Variants in PRRG4 observed in about 807,000 individuals in gnomAD.
PRRG4 encodes proline rich and Gla domain 4.
Under a neutral mutation model 20.0 loss-of-function variants are expected in PRRG4, and 12 were observed. The ratio of observed to expected loss-of-function variants is 0.60; its 90% CI spans 0.38 to 0.97. PRRG4 has a LOEUF of 0.97. Among genes scored for constraint, PRRG4 ranks in the 50% least tolerant of loss-of-function variants. The pLI is 0.00. For synonymous variants in PRRG4, 94 were observed against 96.4 expected (o/e 0.98, Z 0.15); for missense variants, 199 against 265.1 (o/e 0.75, Z 1.73).
intron 5 of PRRG4, among the ~76,000 whole-genome samples, chr11:32,844,040 T>C (rs967858260): frequency 1.3e-5 from 2 of 152,210 alleles, no homozygotes; most frequent in African/African-American, 4.8e-5. Context: ...TAAAATACAT[T>C]AGTCCTAGCC....
intron 2 of PRRG4, among the ~76,000 whole-genome samples, chr11:32,834,840 A>C (rs1851005250): frequency 6.6e-6 from 1 of 151,908 alleles, no homozygotes; most frequent in Non-Finnish European, 1.5e-5. Flanking sequence ...TAGAGATAGG[A>C]TCTTGCTCTG....
chr11:32,837,494 T>C (rs1231476389), intron 3 of PRRG4, among the ~76,000 whole-genome samples: 8 of 149,830 alleles, frequency 5.3e-5, no homozygotes, highest in Non-Finnish European at 7.4e-5. Flanking sequence ...TCTTGAAAAA[T>C]GTTAACTAAC....
chr11:32,839,747 G>GATATATTTTGAATATTATTAAAATATAA (rs1346767129), intron 4 of PRRG4, among the ~76,000 whole-genome samples: 36 of 113,986 alleles, frequency 3.2e-4, no homozygotes, highest in Non-Finnish European at 5.5e-4. Flanking sequence ...TTAAAATATA[G>GATATATTTTGAATATTATTAAAATATAA]ATATATTTTG....
In PRRG4 at chr11:32,830,625, A is replaced by T. The variant is rs1850961027; in HGVS notation, c.96A>T (p.Gly32=). 6.2e-7 allele frequency: 1 copy of T among 1,613,820 alleles called. No homozygotes were observed. The highest frequency in any genetic ancestry group is 1.7e-4 in the Middle Eastern group (1 of 6,058). ...ARGPKASKHA[G]EEVFTSKEEA... is the part of the protein sequence containing the mutation. ...GTCCAAAGGCTTCTAAGCATGCGGG[A>T]GAAGAAGGTAAGCACTAAAACGTCC... Residue 32 remains glycine, a synonymous_variant, in exon 2 of 6, where the codon GGA becomes GGT. Coordinates refer to ENST00000257836, the MANE Select transcript of PRRG4 (RefSeq NM_024081.6).
chr11:32,837,507 AGATGATGATGATGATGATGAT>A (rs145836180), intron 3 of PRRG4, among the ~76,000 whole-genome samples: 5 of 134,692 alleles, frequency 3.7e-5, no homozygotes, highest in African/African-American at 1.4e-4. Flanking sequence ...TAACTAACTG[AGATGATGATGATGATGATGAT>A]GATGATGATG....
chr11:32,840,323 A>T lies in PRRG4; in HGVS notation c.449+84A>T. 9.9e-7 allele frequency: 1 copy of T among 1,011,744 alleles called. No individual in the cohort carries two copies. The highest frequency in any genetic ancestry group is 1.5e-6 in the Non-Finnish European group (1 of 683,140). 62.7% of individuals were successfully genotyped at this position (1,011,744 alleles called of 1,614,324 possible). On this transcript the variant is annotated intron_variant, in intron 5 of 5. Coordinates refer to ENST00000257836, the MANE Select transcript of PRRG4 (RefSeq NM_024081.6). This position sits in a 1 kb window ranked among gnomAD's most constrained non-coding sequence, Gnocchi z 4.1. ...CAATGGGTCAAGCAAATGGCTGCCTATTTTCTTAAATAAGCCTTTTATTTT... is the reference window on the plus strand; with the variant it reads ...CAATGGGTCAAGCAAATGGCTGCCTTTTTTCTTAAATAAGCCTTTTATTTT...
intron 5 of PRRG4, among the ~76,000 whole-genome samples, chr11:32,848,260 T>C (rs117248149): frequency 2.8e-4 from 42 of 152,264 alleles, no homozygotes; most frequent in Non-Finnish European, 5.4e-4. Context: ...TGCAACCCCT[T>C]CTTATAGCAG....
rs1346784830 is a variant in PRRG4, at chr11:32,854,419, A to T, written c.*892A>T. 3 of 152,132 alleles carry T rather than the reference A, an allele frequency of 2.0e-5. No individual in the cohort carries two copies. The highest frequency in any genetic ancestry group is 4.4e-5 in the Non-Finnish European group (3 of 68,060). 9.4% of individuals were successfully genotyped at this position (152,132 alleles called of 1,614,324 possible). On this transcript the variant is annotated 3_prime_UTR_variant, in exon 6 of 6. Transcript: ENST00000257836. ...AAAATACAAAAGAAATTAGCCAGAC[A>T]TGATGGCGGGTGCCTCTAATCCCAG...
chr11:32,853,494 A>G lies in PRRG4; in HGVS notation c.648A>G (p.Val216=), dbSNP rs770844189. ...CTGGGCACACAAAAGGATTTAGGGTATTTAAAAAATCTATGTCTCTCCCAT... is the reference window on the plus strand; with the variant it reads ...CTGGGCACACAAAAGGATTTAGGGTGTTTAAAAAATCTATGTCTCTCCCAT... ...PYPGHTKGFR[V]FKKSMSLPSH is the part of the protein sequence containing the mutation. The change falls in exon 6 of 6, where the codon GTA becomes GTG. Residue 216 remains valine (V), a synonymous_variant. Coordinates refer to ENST00000257836, the MANE Select transcript of PRRG4 (RefSeq NM_024081.6). 2 of 1,613,980 alleles carry G rather than the reference A, an allele frequency of 1.2e-6. No homozygotes were observed. The highest frequency in any genetic ancestry group is 2.2e-5 in the South Asian group (2 of 91,080).
At chr11:32,846,835 T>TAAA (rs1453705430) in intron 5 of PRRG4, among the ~76,000 whole-genome samples, 6 of 151,998 alleles carry the variant, frequency 3.9e-5, no homozygotes, top group African/African-American at 7.2e-5. Flanking sequence ...CCGTGTCTAC[T>TAAA]AAAAATACAA....
intron 5 of PRRG4, among the ~76,000 whole-genome samples, chr11:32,845,986 C>T (rs931115800): frequency 2.0e-5 from 3 of 151,952 alleles, no homozygotes; most frequent in African/African-American, 7.3e-5. Context: ...AAAACCCCAT[C>T]TCTACTAAAA....
intron 5 of PRRG4, among the ~76,000 whole-genome samples, chr11:32,851,787 T>C (rs1851185021): frequency 6.6e-6 from 1 of 152,162 alleles, no homozygotes; most frequent in South Asian, 2.1e-4. Flanking sequence ...TGTGGGTACA[T>C]AGTAGGTATA....
chr11:32,830,358 C>T, intron 1 of PRRG4, 150 bp from the exon 2 acceptor site: 1 of 819,366 alleles, frequency 1.2e-6, no homozygotes, highest in Non-Finnish European at 1.7e-6. Context: ...GCTTCCTGGG[C>T]GCGCGTCGGG....
In PRRG4 at chr11:32,856,598, G is replaced by A. The variant is rs996737312; in HGVS notation, c.*3071G>A. ...TTTTGTCTCCTGGCAATTGATTAGT[G>A]TTAATCATTAAATCTATTTTGACAC... On this transcript the variant is annotated 3_prime_UTR_variant, in exon 6 of 6. Transcript: ENST00000257836. 1 of 152,024 alleles carries A rather than the reference G, an allele frequency of 6.6e-6. No homozygotes were observed. Among genetic ancestry groups the A allele is most frequent in the Non-Finnish European group, 1.5e-5 (1 of 68,004 alleles). 9.4% of individuals were successfully genotyped at this position (152,024 alleles called of 1,614,324 possible).
At chr11:32,838,781 G>A (rs1306027425) in intron 3 of PRRG4, 101 bp from the exon 4 acceptor site, 2 of 787,944 alleles carry the variant, frequency 2.5e-6, no homozygotes, top group Non-Finnish European at 4.4e-6. Context: ...TACCTATGGT[G>A]CATGCCAAGA....
At chr11:32,846,900 A>G (rs866687185) in intron 5 of PRRG4, among the ~76,000 whole-genome samples, 49 of 152,058 alleles carry the variant, frequency 3.2e-4, no homozygotes, top group African/African-American at 1.1e-3. Flanking sequence ...CGGGAGGCTG[A>G]GGCAGGAGAA....
intron 5 of PRRG4, among the ~76,000 whole-genome samples, chr11:32,846,208 C>T (rs1024235716): frequency 3.9e-5 from 6 of 152,086 alleles, no homozygotes; most frequent in Non-Finnish European, 5.9e-5. Context: ...CAGGATCTCA[C>T]TATGTTGCCC....
chr11:32,849,581 T>C (rs566656231), intron 5 of PRRG4, among the ~76,000 whole-genome samples: 1 of 152,136 alleles, frequency 6.6e-6, no homozygotes, highest in South Asian at 2.1e-4. Context: ...GGAGAAACGC[T>C]TGAACCCAGG....
chr11:32,834,272 A>T (rs1391685374), intron 2 of PRRG4, among the ~76,000 whole-genome samples: 1 of 152,196 alleles, frequency 6.6e-6, no homozygotes, highest in Non-Finnish European at 1.5e-5. Flanking sequence ...AGCAGCAAGG[A>T]GACCCATGGA....
Sources: gnomAD v4.1 joint callset for allele counts (sites outside exome capture counted in the v4.1 genomes callset) on GRCh38, gnomAD v4.1.1 for gene constraint, Gnocchi (gnomAD v3.1) non-coding constraint, MANE v1.5 for transcripts, NCBI Gene and HGNC (gene_info 2026-07-23, HGNC 2026-07-21) for gene names.